GRIN3A: variants seen among roughly 807,000 people sequenced by gnomAD.
GRIN3A encodes the protein glutamate receptor ionotropic, NMDA 3A.
Under a neutral mutation model 92.4 loss-of-function variants are expected in GRIN3A, and 47 were observed. The ratio of observed to expected loss-of-function variants is 0.51; its 90% confidence interval spans 0.40 to 0.65. The LOEUF (loss-of-function observed/expected upper bound fraction) is 0.65, where lower values mean the gene tolerates loss of function less well. Among genes scored for constraint, GRIN3A ranks in the 30% least tolerant of loss-of-function variants. The pLI, the probability that GRIN3A is intolerant of heterozygous loss-of-function variation, is 0.00. For synonymous variants in GRIN3A, 527 were observed against 540.6 expected, an observed-to-expected ratio of 0.97 and a Z score of 0.35; for missense variants, 1,324 against 1,393.1, an observed-to-expected ratio of 0.95 and a Z score of 0.79.
At chr9:101,620,531 C>G (rs1052360858) in intron 5 of GRIN3A, among the ~76,000 whole-genome samples, 6 of 152,258 alleles carry the variant, frequency 3.9e-5, no homozygotes, top group African/African-American at 1.4e-4. Flanking sequence ...GGAATCATTG[C>G]ACTCTGTTTT....
intron 3 of GRIN3A, among the ~76,000 whole-genome samples, chr9:101,631,182 A>G (rs1161707528): frequency 6.6e-6 from 1 of 152,196 alleles, no homozygotes; most frequent in Non-Finnish European, 1.5e-5. Flanking sequence ...AATAATGTTA[A>G]TTTTAATTTA....
intron 3 of GRIN3A, among the ~76,000 whole-genome samples, chr9:101,647,533 C>T (rs1428875551): frequency 6.6e-6 from 1 of 151,708 alleles, no homozygotes; most frequent in Non-Finnish European, 1.5e-5. Flanking sequence ...GAATTATTTC[C>T]TTCTCTTCAA....
chr9:101,675,488 C>T (rs1829383371), intron 2 of GRIN3A, among the ~76,000 whole-genome samples: 1 of 151,948 alleles, frequency 6.6e-6, no homozygotes, highest in South Asian at 2.1e-4. Context: ...CACATTCAAT[C>T]ATCTATTTAT....
chr9:101,711,187 A>G (rs1487149221), intron 1 of GRIN3A, among the ~76,000 whole-genome samples: 1 of 152,164 alleles, frequency 6.6e-6, no homozygotes, highest in Non-Finnish European at 1.5e-5. Context: ...ACTTCTGACC[A>G]TATGTCAGGA....
intron 3 of GRIN3A, among the ~76,000 whole-genome samples, chr9:101,638,260 A>G (rs866221344): frequency 1.6e-4 from 25 of 152,198 alleles, no homozygotes; most frequent in Admixed American, 2.0e-4. Flanking sequence ...GACCAAGCCA[A>G]CAAATTATAG....
At chr9:101,595,888 G>T (rs1828121678) in intron 6 of GRIN3A, among the ~76,000 whole-genome samples, 1 of 152,226 alleles carries the variant, frequency 6.6e-6, no homozygotes, top group Non-Finnish European at 1.5e-5. Flanking sequence ...TGTGTGTTGA[G>T]AGTGACAGTC....
intron 3 of GRIN3A, among the ~76,000 whole-genome samples, chr9:101,664,574 A>C (rs1345386832): frequency 6.6e-6 from 1 of 151,954 alleles, no homozygotes; most frequent in African/African-American, 2.4e-5. Context: ...GGTTATCTGC[A>C]AGAGCAGCCA....
chr9:101,679,518 GACTTA>G (rs1829442039), intron 2 of GRIN3A, among the ~76,000 whole-genome samples: 1 of 152,154 alleles, frequency 6.6e-6, no homozygotes, highest in Non-Finnish European at 1.5e-5. Context: ...CTCTTGGCAT[GACTTA>G]AGTGACCTGG....
At chr9:101,654,959 A>G (rs1325228413) in intron 3 of GRIN3A, among the ~76,000 whole-genome samples, 2 of 151,960 alleles carry the variant, frequency 1.3e-5, no homozygotes, top group East Asian at 3.9e-4. Flanking sequence ...ATGGTGACAT[A>G]TATATTTATG....
chr9:101,734,669 C>T, intron 1 of GRIN3A, among the ~76,000 whole-genome samples: 1 of 151,810 alleles, frequency 6.6e-6, no homozygotes, highest in African/African-American at 2.4e-5. Flanking sequence ...CAGGATGTTA[C>T]CAAAACTATT....
intron 2 of GRIN3A, among the ~76,000 whole-genome samples, chr9:101,680,608 G>A (rs1829455450): frequency 6.6e-6 from 1 of 152,152 alleles, no homozygotes; most frequent in South Asian, 2.1e-4. Flanking sequence ...TGTTATCCCA[G>A]TGAAGAATAA....
intron 3 of GRIN3A, among the ~76,000 whole-genome samples, chr9:101,654,278 C>T (rs998155999): frequency 8.6e-6 from 1 of 115,820 alleles, no homozygotes; most frequent in African/African-American, 3.1e-5. Context: ...GGTACATACA[C>T]ATGCACATAT....
At chr9:101,668,206 TTAA>T (rs1433903522) in intron 3 of GRIN3A, among the ~76,000 whole-genome samples, 1 of 150,366 alleles carries the variant, frequency 6.7e-6, no homozygotes, top group Non-Finnish European at 1.5e-5. Context: ...AATTTTATTT[TTAA>T]TACTTTAGCA....
intron 1 of GRIN3A, among the ~76,000 whole-genome samples, chr9:101,706,657 T>A (rs1829818843): frequency 2.0e-5 from 3 of 152,200 alleles, no homozygotes; most frequent in African/African-American, 7.2e-5. Flanking sequence ...AGGAGAAACT[T>A]CCTCATTGTC....
chr9:101,658,422 C>A (rs1323420), intron 3 of GRIN3A, among the ~76,000 whole-genome samples: 1 of 151,788 alleles, frequency 6.6e-6, no homozygotes, highest in South Asian at 2.1e-4. Context: ...ATTTAAAACA[C>A]AAACCATAGG....
intron 5 of GRIN3A, among the ~76,000 whole-genome samples, chr9:101,617,416 G>A (rs1303957736): frequency 6.6e-6 from 1 of 151,902 alleles, no homozygotes; most frequent in African/African-American, 2.4e-5. Context: ...TACAACAAAA[G>A]TGTTAAGATT....
intron 3 of GRIN3A, among the ~76,000 whole-genome samples, chr9:101,665,890 A>G (rs1829231055): frequency 1.3e-5 from 2 of 152,014 alleles, no homozygotes; most frequent in Non-Finnish European, 2.9e-5. Context: ...AGACATTAAG[A>G]CACATGCATG....
chr9:101,645,528 C>A (rs1201910161), intron 3 of GRIN3A, among the ~76,000 whole-genome samples: 1 of 151,596 alleles, frequency 6.6e-6, no homozygotes, highest in Non-Finnish European at 1.5e-5. Flanking sequence ...ATTGCTGGAT[C>A]TTATGGTATG....
chr9:101,711,203 A>G (rs1829872594), intron 1 of GRIN3A, among the ~76,000 whole-genome samples: 1 of 152,184 alleles, frequency 6.6e-6, no homozygotes. Flanking sequence ...CAGGAGGACC[A>G]TCTGCTTTGG....
Sources: allele counts gnomAD v4.1 joint callset (sites outside exome capture counted in the v4.1 genomes callset), GRCh38; gene constraint gnomAD v4.1.1; transcripts MANE v1.5; gene names NCBI Gene and HGNC (gene_info 2026-07-23, HGNC 2026-07-21).